Variants in DENND2C observed in about 807,000 individuals in gnomAD.
DENND2C encodes DENN domain containing 2C, also known as DENN domain-containing protein 2C.
DENND2C carries 72 observed loss-of-function variants against 112.4 expected under a neutral mutation model. That is an observed-to-expected ratio of 0.64 (90% CI 0.53 to 0.78). The LOEUF is 0.78. DENND2C is among the 30% of genes least tolerant of loss of function. DENND2C has a pLI of 0.00. For missense variants in DENND2C, 992 were observed against 1,113.8 expected (o/e 0.89, Z 1.56); for synonymous variants, 329 against 381.6 (o/e 0.86, Z 1.61).
chr1:114,588,086 C>G, intron 18 of DENND2C, 134 bp from the exon 19 acceptor site: 1 of 755,324 alleles, frequency 1.3e-6, no homozygotes, highest in East Asian at 2.7e-5. Context: ...TAGGAGTGTT[C>G]ATTCTTCACT....
At chr1:114,619,710 T>C (rs1656112155) in intron 7 of DENND2C, among the ~76,000 whole-genome samples, 1 of 152,136 alleles carries the variant, frequency 6.6e-6, no homozygotes, top group African/African-American at 2.4e-5. Flanking sequence ...CTAAGGGCTA[T>C]AGGAAAGATG....
intron 17 of DENND2C, chr1:114,595,324 C>G (rs1172975514): frequency 6.5e-6 from 1 of 152,780 alleles, no homozygotes; most frequent in Non-Finnish European, 1.5e-5. Context: ...ACTAAAAATA[C>G]AAAAAATTAG....
At position 114,626,118 on chromosome 1, in the gene DENND2C, T is replaced by C. The variant is rs577233038; in HGVS notation, c.-134A>G. 22 of 996,610 alleles carry C rather than the reference T, an allele frequency of 2.2e-5. No individual in the cohort carries two copies. The African/African-American group carries it at 3.4e-4, about 15-fold the overall frequency. 61.7% of individuals were successfully genotyped at this position (996,610 alleles called of 1,614,324 possible). A position where few individuals can be genotyped will look rare whatever the true frequency, so the allele number is the denominator to read the frequency against. ...TTTCCCTTCATGTTTAACTTGTAAATCTCTTTGTAAAAAGAAAATTTTGAT... is the reference window on the plus strand; with the variant it reads ...TTTCCCTTCATGTTTAACTTGTAAACCTCTTTGTAAAAAGAAAATTTTGAT... On this transcript the variant is annotated 5_prime_UTR_variant, in exon 4 of 21. Transcript: ENST00000393274.
chr1:114,602,286 T>C, intron 11 of DENND2C, 92 bp from the exon 12 acceptor site: 3 of 1,303,174 alleles, frequency 2.3e-6, no homozygotes, highest in Non-Finnish European at 3.2e-6. Flanking sequence ...AGTCCAACAG[T>C]AGTCATTTTG....
At chr1:114,602,427 C>T (rs1557941670) in intron 11 of DENND2C, among the ~76,000 whole-genome samples, 1 of 152,168 alleles carries the variant, frequency 6.6e-6, no homozygotes, top group Non-Finnish European at 1.5e-5. Context: ...TACACTCCTC[C>T]TAAGGAATGC....
At chr1:114,660,045 C>T (rs561615360) in intron 1 of DENND2C, among the ~76,000 whole-genome samples, 11 of 152,158 alleles carry the variant, frequency 7.2e-5, no homozygotes, top group Non-Finnish European at 1.6e-4. Context: ...CCAGCCTCAG[C>T]CTTCCAAGTG....
chr1:114,603,328 G>A (rs546747590), intron 11 of DENND2C, among the ~76,000 whole-genome samples: 97 of 151,888 alleles, frequency 6.4e-4, no homozygotes, highest in Middle Eastern at 6.8e-3. Context: ...TAGTAGAGAC[G>A]GGGTTTAACT....
chr1:114,620,396 A>T (rs1176061560), intron 7 of DENND2C, among the ~76,000 whole-genome samples: 1 of 152,242 alleles, frequency 6.6e-6, no homozygotes, highest in Non-Finnish European at 1.5e-5. Context: ...ACAAGTTTTG[A>T]GTACTTGAGA....
At chr1:114,660,070 A>G (rs1236259322) in intron 1 of DENND2C, among the ~76,000 whole-genome samples, 1 of 152,174 alleles carries the variant, frequency 6.6e-6, no homozygotes, top group Non-Finnish European at 1.5e-5. Flanking sequence ...GATTAAAGGC[A>G]TGAGCCACCA....
At chr1:114,590,574 C>A (rs150516473) in intron 18 of DENND2C, among the ~76,000 whole-genome samples, 1 of 151,118 alleles carries the variant, frequency 6.6e-6, no homozygotes, top group Non-Finnish European at 1.5e-5. Flanking sequence ...GTCAGGAGAT[C>A]GAGACCATCC....
At chr1:114,638,707 G>A (rs1656722254) in intron 3 of DENND2C, among the ~76,000 whole-genome samples, 1 of 145,276 alleles carries the variant, frequency 6.9e-6, no homozygotes, top group Admixed American at 7.1e-5. Flanking sequence ...AGGATGTAGT[G>A]AGCGATGATT....
intron 3 of DENND2C, among the ~76,000 whole-genome samples, chr1:114,634,299 T>G (rs1403011253): frequency 6.6e-6 from 1 of 152,180 alleles, no homozygotes; most frequent in African/African-American, 2.4e-5. Flanking sequence ...TTAGAACACT[T>G]TACTCAACAA....
rs187705451 is a variant in DENND2C at position 114,605,388 on chromosome 1, G to A, written c.1558-357C>T. On this transcript the variant is annotated intron_variant, in intron 10 of 20. Transcript: ENST00000393274. ...TGGGAACCCAGTATTTTTATGAACC[G>A]TGGGGTATAAGATAAAAATCCATTC... Among the ~76,000 whole-genome samples the A allele has an allele frequency of 2.0e-4, 30 of 152,284 alleles. No individual in the cohort carries two copies. The East Asian group carries it at 2.9e-3, about 15-fold the overall frequency.
rs1020356146 is a variant in DENND2C at position 114,643,364 on chromosome 1, A to G, written c.-205+2084T>C. Among the ~76,000 whole-genome samples the G allele has an allele frequency of 2.0e-5, 3 of 152,210 alleles. No individual in the cohort carries two copies. In the East Asian group the frequency reaches 5.8e-4, roughly 29 times the overall value. ...AACACATTATTTAATCGAAAGCCTC[A>G]ATACATTTTTAATAAAGCCCACAGG... On this transcript the variant is annotated intron_variant, in intron 3 of 20. Coordinates refer to ENST00000393274, the MANE Select transcript of DENND2C (RefSeq NM_001256404.2).
intron 1 of DENND2C, among the ~76,000 whole-genome samples, chr1:114,656,401 C>CTTTTTT (rs776761733): frequency 7.2e-6 from 1 of 138,528 alleles, no homozygotes. Flanking sequence ...TTCTTTCTTT[C>CTTTTTT]TTTTTTTTTT....
intron 8 of DENND2C, among the ~76,000 whole-genome samples, chr1:114,618,159 T>G (rs1168470595): frequency 6.6e-6 from 1 of 151,994 alleles, no homozygotes; most frequent in Admixed American, 6.6e-5. Flanking sequence ...TGGCTAATTT[T>G]TTGTATTTTT....
At chr1:114,591,878 A>T (rs867811449) in intron 18 of DENND2C, among the ~76,000 whole-genome samples, 13 of 138,304 alleles carry the variant, frequency 9.4e-5, no homozygotes, top group Admixed American at 6.5e-4. Flanking sequence ...TATTATTATT[A>T]TTTTTATTAT....
At chr1:114,599,793 T>C (rs779385813) in intron 15 of DENND2C, among the ~76,000 whole-genome samples, 1 of 152,162 alleles carries the variant, frequency 6.6e-6, no homozygotes, top group Non-Finnish European at 1.5e-5. Flanking sequence ...CAAGTGGCTT[T>C]TTGATGATTT....
At chr1:114,593,307 C>A (rs1655246085) in intron 18 of DENND2C, among the ~76,000 whole-genome samples, 1 of 152,214 alleles carries the variant, frequency 6.6e-6, no homozygotes, top group South Asian at 2.1e-4. Flanking sequence ...TCTAACAATA[C>A]TCACTCTATA....
Sources: allele counts gnomAD v4.1 joint callset (sites outside exome capture counted in the v4.1 genomes callset), GRCh38; gene constraint gnomAD v4.1.1; transcripts MANE v1.5; gene names NCBI Gene and HGNC (gene_info 2026-07-23, HGNC 2026-07-21).